PTPRK: variants seen among roughly 807,000 people sequenced by gnomAD.
The protein encoded by PTPRK is receptor-type tyrosine-protein phosphatase kappa.
PTPRK carries 75 observed loss-of-function variants against 178.0 expected under a neutral mutation model. The ratio of observed to expected loss-of-function variants is 0.42; its 90% CI spans 0.35 to 0.51. PTPRK has a LOEUF of 0.51. Ranked by LOEUF, PTPRK falls within the 20% of genes least tolerant of loss-of-function variation. PTPRK has a pLI of 0.02. For synonymous variants in PTPRK, 637 were observed against 620.6 expected, an observed-to-expected ratio of 1.03 and a Z score of -0.39; for missense variants, 1,441 against 1,797.8, an observed-to-expected ratio of 0.80 and a Z score of 3.59.
chr6:128,476,999 G>C (rs975215243), intron 1 of PTPRK, among the ~76,000 whole-genome samples: 1 of 151,912 alleles, frequency 6.6e-6, no homozygotes, highest in African/African-American at 2.4e-5. Flanking sequence ...TTAATAAAGA[G>C]GCAATAAAAA....
chr6:128,055,822 A>G (rs1170779218), intron 13 of PTPRK, among the ~76,000 whole-genome samples: 4 of 152,046 alleles, frequency 2.6e-5, no homozygotes, highest in Admixed American at 6.6e-5. Flanking sequence ...GGTTGATCTC[A>G]AACTCCTGGC....
intron 3 of PTPRK, among the ~76,000 whole-genome samples, chr6:128,277,418 G>A (rs1820896442): frequency 6.6e-6 from 1 of 152,122 alleles, no homozygotes; most frequent in Admixed American, 6.6e-5. Flanking sequence ...CTTTATTAGG[G>A]AACAGGCATG....
chr6:128,263,478 G>A (rs1818480022), intron 3 of PTPRK, among the ~76,000 whole-genome samples: 1 of 152,166 alleles, frequency 6.6e-6, no homozygotes, highest in East Asian at 1.9e-4. Context: ...GTTAAAGAAT[G>A]TGGAGTGGGG....
At chr6:128,009,095 G>A (rs1458084116) in intron 14 of PTPRK, 35 bp downstream of exon 14, 1 of 1,538,974 alleles carries the variant, frequency 6.5e-7, no homozygotes, top group South Asian at 1.3e-5. Context: ...GACATAAATG[G>A]TAAGTGAGTG....
chr6:128,190,768 G>C (rs1040970085), intron 6 of PTPRK, among the ~76,000 whole-genome samples: 1 of 152,006 alleles, frequency 6.6e-6, no homozygotes, highest in Non-Finnish European at 1.5e-5. Flanking sequence ...CAAAGTGCTG[G>C]GATTACAGTT....
At chr6:128,491,603 A>T (rs1247187287) in intron 1 of PTPRK, 1 of 339,988 alleles carries the variant, frequency 2.9e-6, no homozygotes, top group African/African-American at 2.1e-5. Flanking sequence ...GTCAATTCTC[A>T]AGCTAGAAGA....
chr6:128,271,905 T>G (rs1819881348), intron 3 of PTPRK, among the ~76,000 whole-genome samples: 1 of 151,822 alleles, frequency 6.6e-6, no homozygotes, highest in Admixed American at 6.6e-5. Flanking sequence ...ATCAAGAAAA[T>G]TAAAAGAATT....
intron 2 of PTPRK, among the ~76,000 whole-genome samples, chr6:128,369,493 G>A (rs2128347815): frequency 6.6e-6 from 1 of 152,148 alleles, no homozygotes; most frequent in South Asian, 2.1e-4. Flanking sequence ...AATACTGCAT[G>A]TGAAAACTGA....
chr6:127,998,612 A>G, intron 16 of PTPRK, 108 bp downstream of exon 16: 1 of 878,910 alleles, frequency 1.1e-6, no homozygotes, highest in Non-Finnish European at 1.7e-6. Flanking sequence ...TAGAGAGCCT[A>G]TAGAACAATC....
intron 18 of PTPRK, 125 bp from the exon 19 acceptor site, chr6:127,992,834 T>A: frequency 1.5e-6 from 1 of 685,458 alleles, no homozygotes; most frequent in Non-Finnish European, 2.4e-6. Context: ...CAGAAATGAG[T>A]AGTGAACACA....
chr6:128,132,086 G>A (rs915062439), intron 7 of PTPRK, among the ~76,000 whole-genome samples: 6 of 152,118 alleles, frequency 3.9e-5, no homozygotes, highest in African/African-American at 1.4e-4. Context: ...AAAATGCTCA[G>A]TAAAATGAAA....
At position 128,420,257 on chromosome 6, in the gene PTPRK, A is replaced by C. The variant is rs553147732; in HGVS notation, c.101-22569T>G. 5.3e-5 allele frequency among the ~76,000 whole-genome samples: 8 copies of C among 152,296 alleles called. No homozygotes were observed. The South Asian group carries it at 1.7e-3, about 32-fold the overall frequency. On this transcript the variant is annotated intron_variant, in intron 1 of 29. Transcript: ENST00000368226. ...TGAAAGAAAAAATATAAATTGTCTC[A>C]ATGAGGTTAAAATTCTTGGAATGAT... is the stretch of plus-strand genomic sequence containing the variant.
intron 7 of PTPRK, among the ~76,000 whole-genome samples, chr6:128,131,835 C>T (rs1045497061): frequency 6.6e-6 from 1 of 152,126 alleles, no homozygotes; most frequent in Non-Finnish European, 1.5e-5. Flanking sequence ...GTGATAATGT[C>T]TTGTAACATA....
At chr6:128,357,419 T>C (rs911203407) in intron 2 of PTPRK, among the ~76,000 whole-genome samples, 1 of 152,170 alleles carries the variant, frequency 6.6e-6, no homozygotes, top group Non-Finnish European at 1.5e-5. Context: ...ACCAGTTGTA[T>C]AACATCATGT....
intron 1 of PTPRK, among the ~76,000 whole-genome samples, chr6:128,443,643 G>T (rs1291094195): frequency 2.6e-5 from 4 of 152,128 alleles, no homozygotes; most frequent in Non-Finnish European, 5.9e-5. Context: ...TGAAGGTGAG[G>T]CAGAGACAGA....
chr6:128,257,534 G>A (rs1341750082), intron 3 of PTPRK, among the ~76,000 whole-genome samples: 1 of 151,978 alleles, frequency 6.6e-6, no homozygotes, highest in Non-Finnish European at 1.5e-5. Flanking sequence ...ATACCTACGT[G>A]TACAATAATG....
intron 13 of PTPRK, among the ~76,000 whole-genome samples, chr6:128,031,975 G>A (rs1775416955): frequency 6.6e-6 from 1 of 152,154 alleles, no homozygotes; most frequent in African/African-American, 2.4e-5. Flanking sequence ...AATTGCAAGT[G>A]TCACAGGCTT....
At chr6:128,133,490 A>G (rs1794566023) in intron 7 of PTPRK, among the ~76,000 whole-genome samples, 1 of 152,184 alleles carries the variant, frequency 6.6e-6, no homozygotes, top group Non-Finnish European at 1.5e-5. Flanking sequence ...GTTACATTCA[A>G]TTTAAGTTTA....
intron 13 of PTPRK, among the ~76,000 whole-genome samples, chr6:128,016,798 C>T (rs1179818451): frequency 1.3e-5 from 2 of 151,792 alleles, no homozygotes; most frequent in Admixed American, 6.6e-5. Context: ...GGTCCTCCTC[C>T]GTCCCCACAT....
Sources: allele counts gnomAD v4.1 joint callset (sites outside exome capture counted in the v4.1 genomes callset), GRCh38; gene constraint gnomAD v4.1.1; transcripts MANE v1.5; gene names NCBI Gene and HGNC (gene_info 2026-07-23, HGNC 2026-07-21).